KLHL3: variants seen among roughly 807,000 people sequenced by gnomAD.
KLHL3 encodes kelch-like protein 3.
In KLHL3, 19 loss-of-function variants were observed where a neutral mutation model predicts 70.5. The observed-to-expected ratio is 0.27, with a 90% CI of 0.19 to 0.40. The LOEUF is 0.40. KLHL3 is among the 10% of genes least tolerant of loss of function. KLHL3 has a pLI of 1.00. For synonymous variants in KLHL3, 258 were observed against 290.3 expected, an observed-to-expected ratio of 0.89 and a Z score of 1.13; for missense variants, 512 against 771.1, an observed-to-expected ratio of 0.66 and a Z score of 3.98.
At chr5:137,669,766 G>A (rs1751705294) in intron 6 of KLHL3, among the ~76,000 whole-genome samples, 3 of 152,304 alleles carry the variant, frequency 2.0e-5, no homozygotes, top group Middle Eastern at 6.8e-3. Context: ...AAACACGTGA[G>A]CATGATGTAT....
chr5:137,697,520 A>C (rs936417183), intron 4 of KLHL3, among the ~76,000 whole-genome samples: 2 of 152,186 alleles, frequency 1.3e-5, no homozygotes, highest in African/African-American at 4.8e-5. Context: ...ACCACAGTTT[A>C]AAGTGAAGAG....
intron 1 of KLHL3, among the ~76,000 whole-genome samples, chr5:137,732,794 A>G (rs1753199435): frequency 6.6e-6 from 1 of 152,186 alleles, no homozygotes; most frequent in Non-Finnish European, 1.5e-5. Context: ...TACCTTACAC[A>G]TATTGTACCA....
At chr5:137,627,092 A>G (rs77017794) in intron 13 of KLHL3, among the ~76,000 whole-genome samples, 16,074 of 152,226 alleles carry the variant, frequency 0.11, 1,293 homozygotes, top group East Asian at 0.42. Flanking sequence ...TAATCACTCA[A>G]GTATTACTTA....
chr5:137,730,054 T>C (rs1753150174), intron 1 of KLHL3, among the ~76,000 whole-genome samples: 1 of 152,178 alleles, frequency 6.6e-6, no homozygotes. Context: ...TTCCTGAAAG[T>C]TGAGGGTATG....
At chr5:137,733,239 C>G (rs1187501623) in intron 1 of KLHL3, among the ~76,000 whole-genome samples, 1 of 152,172 alleles carries the variant, frequency 6.6e-6, no homozygotes, top group African/African-American at 2.4e-5. Context: ...TGTTCTCCCC[C>G]TACCTCAAAG....
At chr5:137,706,711 G>A (rs570918786) in intron 3 of KLHL3, among the ~76,000 whole-genome samples, 1 of 152,310 alleles carries the variant, frequency 6.6e-6, no homozygotes, top group African/African-American at 2.4e-5. Flanking sequence ...GGAATCTTAT[G>A]AAGGCATTAA....
intron 5 of KLHL3, among the ~76,000 whole-genome samples, chr5:137,678,886 T>C (rs990923797): frequency 3.3e-5 from 5 of 152,082 alleles, no homozygotes; most frequent in African/African-American, 1.2e-4. Context: ...AACTAAAGGT[T>C]GTCCATCTTG....
chr5:137,662,542 T>C (rs1466615570), intron 6 of KLHL3, among the ~76,000 whole-genome samples: 1 of 152,188 alleles, frequency 6.6e-6, no homozygotes, highest in African/African-American at 2.4e-5. Context: ...GCTGTGATGG[T>C]CAATGTGACA....
At chr5:137,690,051 G>A (rs1752278697) in intron 5 of KLHL3, among the ~76,000 whole-genome samples, 1 of 152,258 alleles carries the variant, frequency 6.6e-6, no homozygotes, top group South Asian at 2.1e-4. Flanking sequence ...CTGCAGGCCA[G>A]GCACAGTGGC....
intron 8 of KLHL3, among the ~76,000 whole-genome samples, chr5:137,647,075 G>C (rs1386134338): frequency 6.6e-6 from 1 of 152,176 alleles, no homozygotes; most frequent in East Asian, 1.9e-4. Flanking sequence ...CACTGTAGCA[G>C]AGATGGTTAT....
At position 137,735,730 on chromosome 5, in the gene KLHL3, A is replaced by G. The variant is rs1344592734; in HGVS notation, c.-84T>C. The G allele has an allele frequency of 1.3e-6, 2 of 1,593,910 alleles. No homozygotes were observed. Among genetic ancestry groups the G allele is most frequent in the Non-Finnish European group, 1.7e-6 (2 of 1,161,648 alleles). On this transcript the variant is annotated 5_prime_UTR_variant, in exon 1 of 15. Transcript: ENST00000309755. ...GTTCTGTTCTTGATTCTCCCAGCAGACCAGTGGGAAATCTGATCAGCAACA... is the reference window on the plus strand; with the variant it reads ...GTTCTGTTCTTGATTCTCCCAGCAGGCCAGTGGGAAATCTGATCAGCAACA...
intron 8 of KLHL3, among the ~76,000 whole-genome samples, chr5:137,643,070 G>C (rs1750957495): frequency 6.6e-6 from 1 of 152,162 alleles, no homozygotes; most frequent in African/African-American, 2.4e-5. Flanking sequence ...ATACACGACA[G>C]CTAGGTGCAG....
intron 11 of KLHL3, among the ~76,000 whole-genome samples, chr5:137,635,251 C>T (rs1750739349): frequency 6.6e-6 from 1 of 152,202 alleles, no homozygotes; most frequent in African/African-American, 2.4e-5. Flanking sequence ...TCGAGCCTGG[C>T]TTTGTTTTCT....
At chr5:137,687,222 C>G (rs1393709165) in intron 5 of KLHL3, among the ~76,000 whole-genome samples, 4 of 44,530 alleles carry the variant, frequency 9.0e-5, no homozygotes, top group Admixed American at 2.0e-4. Flanking sequence ...TCTGCCCGGC[C>G]AGCCGCCCCG....
intron 6 of KLHL3, among the ~76,000 whole-genome samples, chr5:137,669,772 T>C (rs959589896): frequency 1.3e-5 from 2 of 152,174 alleles, no homozygotes; most frequent in Non-Finnish European, 2.9e-5. Context: ...GTGAGCATGA[T>C]GTATTACAGA....
intron 14 of KLHL3, among the ~76,000 whole-genome samples, chr5:137,623,283 T>C (rs1264655188): frequency 6.6e-6 from 1 of 152,236 alleles, no homozygotes; most frequent in African/African-American, 2.4e-5. Flanking sequence ...GTCCCACAAC[T>C]ATGAAATGTT....
chr5:137,648,906 T>C (rs1186561639), intron 8 of KLHL3, among the ~76,000 whole-genome samples: 1 of 152,182 alleles, frequency 6.6e-6, no homozygotes, highest in Non-Finnish European at 1.5e-5. Flanking sequence ...CTCCAACTAG[T>C]CCAATTATCT....
intron 1 of KLHL3, among the ~76,000 whole-genome samples, chr5:137,723,261 T>C (rs1753031976): frequency 6.6e-6 from 1 of 152,338 alleles, no homozygotes; most frequent in East Asian, 1.9e-4. Context: ...CTTCACTAGC[T>C]TGTCAAATTC....
intron 2 of KLHL3, among the ~76,000 whole-genome samples, chr5:137,717,050 A>G (rs1752907709): frequency 6.6e-6 from 1 of 152,240 alleles, no homozygotes; most frequent in Non-Finnish European, 1.5e-5. Flanking sequence ...AAGATCTGCC[A>G]GGGGCAGCAC....
Sources: allele counts gnomAD v4.1 joint callset (sites outside exome capture counted in the v4.1 genomes callset), GRCh38; gene constraint gnomAD v4.1.1; transcripts MANE v1.5; gene names NCBI Gene and HGNC (gene_info 2026-07-23, HGNC 2026-07-21).